SOX6: variants seen among roughly 807,000 people sequenced by gnomAD.
The protein encoded by SOX6 is SRY-box transcription factor 6.
In SOX6, 11 loss-of-function variants were observed where a neutral mutation model predicts 97.8. The observed-to-expected ratio is 0.11, with a 90% confidence interval of 0.07 to 0.19. The LOEUF is 0.19. Ranked by LOEUF, SOX6 falls within the 10% of genes least tolerant of loss-of-function variation. The probability of loss-of-function intolerance (pLI) is 1.00; values close to 1 mark genes in which losing one functional copy is unlikely to be tolerated. For missense variants in SOX6, 810 were observed against 1,039.5 expected (o/e 0.78, Z 3.04); for synonymous variants, 360 against 371.4 (o/e 0.97, Z 0.35).
rs543952866 is a variant in SOX6, at chr11:16,128,027, A to C, written c.778-16104T>G. On this transcript the variant is annotated intron_variant, in intron 6 of 15. Coordinates refer to ENST00000683767, the MANE Select transcript of SOX6 (RefSeq NM_001367873.1). ...TCATGTATTATGTCCCAGCTAGTTA[A>C]AGATGTGGTGCTTTAATGTCCTATA... Among the ~76,000 whole-genome samples the C allele has an allele frequency of 2.0e-5, 3 of 152,326 alleles. No homozygotes were observed. The South Asian group carries it at 6.2e-4, about 32-fold the overall frequency.
At chr11:16,020,664 CA>C (rs1855028740) in intron 12 of SOX6, among the ~76,000 whole-genome samples, 1 of 152,086 alleles carries the variant, frequency 6.6e-6, no homozygotes, top group Admixed American at 6.6e-5. Context: ...CCAAGTTTTC[CA>C]TGAACTCTAT....
intron 4 of SOX6, among the ~76,000 whole-genome samples, chr11:16,596,953 A>G (rs1215504056): frequency 2.0e-5 from 3 of 152,166 alleles, no homozygotes; most frequent in Non-Finnish European, 4.4e-5. Flanking sequence ...AAATACAATA[A>G]ATGAGCACTG....
intron 4 of SOX6, among the ~76,000 whole-genome samples, chr11:16,196,076 G>T (rs1488897564): frequency 6.6e-6 from 1 of 152,200 alleles, no homozygotes; most frequent in Non-Finnish European, 1.5e-5. Flanking sequence ...GGGAATCTCT[G>T]CTCTAGCCCA....
intron 1 of SOX6, among the ~76,000 whole-genome samples, chr11:16,389,202 C>T (rs1344783339): frequency 1.3e-5 from 2 of 152,132 alleles, no homozygotes; most frequent in African/African-American, 4.8e-5. Context: ...CCTACCTCAG[C>T]CTCTCAAGTA....
At chr11:16,012,075 G>A (rs2133859212) in intron 13 of SOX6, among the ~76,000 whole-genome samples, 1 of 152,168 alleles carries the variant, frequency 6.6e-6, no homozygotes, top group Non-Finnish European at 1.5e-5. Flanking sequence ...CTGGCACATG[G>A]TAGGCACTCA....
chr11:16,506,588 G>C (rs368586330), intron 4 of SOX6, among the ~76,000 whole-genome samples: 6 of 152,226 alleles, frequency 3.9e-5, no homozygotes, highest in African/African-American at 1.4e-4. Flanking sequence ...AAGGACATGA[G>C]ATTTGGCAGG....
chr11:16,213,913 C>T (rs766684703), intron 4 of SOX6, among the ~76,000 whole-genome samples: 5 of 152,176 alleles, frequency 3.3e-5, no homozygotes, highest in Non-Finnish European at 5.9e-5. Flanking sequence ...ATCATAGAAA[C>T]GTCTTGTTAT....
chr11:16,381,049 T>A (rs1857800698), intron 1 of SOX6, among the ~76,000 whole-genome samples: 1 of 152,008 alleles, frequency 6.6e-6, no homozygotes, highest in Non-Finnish European at 1.5e-5. Flanking sequence ...TAGAAAAAAT[T>A]GATACAAATG....
intron 10 of SOX6, among the ~76,000 whole-genome samples, chr11:16,052,794 C>T (rs907027448): frequency 1.3e-5 from 2 of 152,130 alleles, no homozygotes; most frequent in Non-Finnish European, 2.9e-5. Flanking sequence ...GTCAGAACAG[C>T]CACTAAGTAG....
intron 4 of SOX6, among the ~76,000 whole-genome samples, chr11:16,554,233 C>A (rs1337421857): frequency 6.6e-6 from 1 of 152,060 alleles, no homozygotes; most frequent in Non-Finnish European, 1.5e-5. Flanking sequence ...CCTTTGATAA[C>A]AGGTTTCTCA....
chr11:16,468,198 A>C (rs1477584883), intron 1 of SOX6, among the ~76,000 whole-genome samples: 1 of 152,206 alleles, frequency 6.6e-6, no homozygotes, highest in African/African-American at 2.4e-5. Context: ...CTCCACCTTC[A>C]AATGTATCCA....
intron 4 of SOX6, among the ~76,000 whole-genome samples, chr11:16,192,292 T>C (rs1281944961): frequency 6.6e-6 from 1 of 152,220 alleles, no homozygotes; most frequent in East Asian, 1.9e-4. Flanking sequence ...CCTTTGGCTC[T>C]ATCACAAAAT....
chr11:16,055,796 T>C lies in SOX6; in HGVS notation c.1207A>G (p.Ile403Val). The C allele has an allele frequency of 6.2e-7, 1 of 1,613,780 alleles. No homozygotes were observed. The highest frequency in any genetic ancestry group is 1.1e-5 in the South Asian group (1 of 91,084). The part of the protein sequence containing the change: ...NTAGTVSPTG[I>V]KNEKRGTSPV... ...CTGGTCCCTCTCTTTTCATTTTTTA[T>C]CCCAGTAGGTGAGACCGTCCCTGCT... Residue 403 changes from isoleucine to valine, a missense_variant, in exon 10 of 16, where the codon ATA (isoleucine) becomes GTA (valine). By Grantham distance (29) the Ile-to-Val change is conservative. Coordinates refer to ENST00000683767, the MANE Select transcript of SOX6 (RefSeq NM_001367873.1).
chr11:16,185,084 T>C (rs1851437067), intron 5 of SOX6, among the ~76,000 whole-genome samples: 1 of 152,142 alleles, frequency 6.6e-6, no homozygotes, highest in African/African-American at 2.4e-5. Flanking sequence ...AGTGCCCAAA[T>C]TATATTTCAT....
At chr11:16,721,282 C>A (rs1020832319) in intron 2 of SOX6, among the ~76,000 whole-genome samples, 4 of 152,140 alleles carry the variant, frequency 2.6e-5, no homozygotes, top group African/African-American at 4.8e-5. Flanking sequence ...GGAATGTGAA[C>A]CGCTATTCTC....
At chr11:16,007,285 C>T (rs1185650916) in intron 13 of SOX6, among the ~76,000 whole-genome samples, 1 of 151,992 alleles carries the variant, frequency 6.6e-6, no homozygotes, top group African/African-American at 2.4e-5. Context: ...TAGGCAATGG[C>T]AACACAATGA....
chr11:16,563,673 A>G (rs1232661160), intron 4 of SOX6, among the ~76,000 whole-genome samples: 1 of 152,232 alleles, frequency 6.6e-6, no homozygotes, highest in Admixed American at 6.5e-5. Flanking sequence ...AGGACAGAAG[A>G]AAGACAGTGA....
At chr11:16,516,448 G>T (rs1860975500) in intron 4 of SOX6, among the ~76,000 whole-genome samples, 1 of 152,046 alleles carries the variant, frequency 6.6e-6, no homozygotes, top group Non-Finnish European at 1.5e-5. Flanking sequence ...GAGATTTTGG[G>T]CTGAGACAAT....
intron 2 of SOX6, among the ~76,000 whole-genome samples, chr11:16,724,339 G>C (rs915926218): frequency 6.6e-6 from 1 of 152,158 alleles, no homozygotes; most frequent in Non-Finnish European, 1.5e-5. Flanking sequence ...TCAGTTTCCT[G>C]ATCTGTAAAA....
Sources: allele counts gnomAD v4.1 joint callset (sites outside exome capture counted in the v4.1 genomes callset), GRCh38; gene constraint gnomAD v4.1.1; transcripts MANE v1.5; gene names NCBI Gene and HGNC (gene_info 2026-07-23, HGNC 2026-07-21).